Variants in BMAL2 observed in about 807,000 individuals in gnomAD.
BMAL2 encodes basic helix-loop-helix ARNT-like protein 2.
At chr12:27,408,119 A>C in the BMAL2 span, among the ~76,000 whole-genome samples, 1 of 152,164 alleles carries the variant, frequency 6.6e-6, no homozygotes, top group African/African-American at 2.4e-5. Context: ...CCAACCAAAA[A>C]AAGTCCAGGA....
chr12:27,339,126 A>C, the BMAL2 span, among the ~76,000 whole-genome samples: 2 of 152,320 alleles, frequency 1.3e-5, 1 homozygote, highest in South Asian at 4.1e-4. Flanking sequence ...TCCACCTTCC[A>C]ATAGGCCTCA....
chr12:27,399,263 A>G, the BMAL2 span, among the ~76,000 whole-genome samples: 1 of 152,166 alleles, frequency 6.6e-6, no homozygotes, highest in Non-Finnish European at 1.5e-5. Flanking sequence ...CTCACTGGTC[A>G]TTCCCTCTGG....
chr12:27,413,854 T>C, the BMAL2 span, among the ~76,000 whole-genome samples: 12 of 152,308 alleles, frequency 7.9e-5, no homozygotes, highest in Non-Finnish European at 1.2e-4. Context: ...ACCATACTTA[T>C]GTTAGACAGA....
chr12:27,403,335 C>A, the BMAL2 span: 1 of 782,958 alleles, frequency 1.3e-6, no homozygotes, highest in Non-Finnish European at 2.1e-6. Flanking sequence ...TTTTTGGATG[C>A]AGCTAGTCTG....
the BMAL2 span, among the ~76,000 whole-genome samples, chr12:27,390,985 C>G: frequency 6.6e-6 from 1 of 152,142 alleles, no homozygotes; most frequent in Non-Finnish European, 1.5e-5. Flanking sequence ...ACGGTAATTG[C>G]TAATACTCAT....
At chr12:27,378,994 A>G in the BMAL2 span, among the ~76,000 whole-genome samples, 1 of 152,170 alleles carries the variant, frequency 6.6e-6, no homozygotes, top group South Asian at 2.1e-4. Flanking sequence ...GTCTTGGGCC[A>G]CACATAAAAT....
chr12:27,362,989 G>A, the BMAL2 span, among the ~76,000 whole-genome samples: 1 of 152,036 alleles, frequency 6.6e-6, no homozygotes, highest in Non-Finnish European at 1.5e-5. Flanking sequence ...TTTTTTTGTA[G>A]AGACAGCATC....
the BMAL2 span, among the ~76,000 whole-genome samples, chr12:27,405,711 G>A: frequency 3.3e-5 from 5 of 152,304 alleles, no homozygotes; most frequent in East Asian, 3.9e-4. Context: ...TCAAAGGAAC[G>A]CAGCTCCTTA....
chr12:27,333,459 T>C, the BMAL2 span, among the ~76,000 whole-genome samples: 1 of 152,238 alleles, frequency 6.6e-6, no homozygotes, highest in Non-Finnish European at 1.5e-5. Context: ...CACCCACTGC[T>C]GGGCGCCCGC....
At chr12:27,369,287 T>A in the BMAL2 span, among the ~76,000 whole-genome samples, 6 of 144,492 alleles carry the variant, frequency 4.2e-5, no homozygotes, top group African/African-American at 1.6e-4. Flanking sequence ...GCTCTTTTTT[T>A]TTCTTTTTTG....
At chr12:27,401,657 T>G in the BMAL2 span, 1 of 1,592,522 alleles carries the variant, frequency 6.3e-7, no homozygotes, top group Non-Finnish European at 8.5e-7. Context: ...ATATTGTATC[T>G]GTCAACACTT....
chr12:27,340,695 G>A, the BMAL2 span, among the ~76,000 whole-genome samples: 1 of 152,118 alleles, frequency 6.6e-6, no homozygotes, highest in Non-Finnish European at 1.5e-5. Flanking sequence ...ACTGCTTTGG[G>A]TAGTAGATAG....
the BMAL2 span, among the ~76,000 whole-genome samples, chr12:27,388,861 CAAA>C: frequency 2.0e-4 from 31 of 151,612 alleles, no homozygotes; most frequent in African/African-American, 7.0e-4. Context: ...TTAACAAGGA[CAAA>C]AAAAGTTCAA....
At chr12:27,399,660 AC>A in the BMAL2 span, among the ~76,000 whole-genome samples, 3 of 152,230 alleles carry the variant, frequency 2.0e-5, no homozygotes, top group Non-Finnish European at 4.4e-5. Context: ...TTGTAATGGA[AC>A]TTTTACCAAA....
the BMAL2 span, chr12:27,417,998 A>C: frequency 1.2e-6 from 1 of 829,710 alleles, no homozygotes; most frequent in Non-Finnish European, 1.8e-6. Context: ...ATCTCAAAAA[A>C]ATAAAAAATA....
At chr12:27,378,372 T>C in the BMAL2 span, among the ~76,000 whole-genome samples, 1 of 152,194 alleles carries the variant, frequency 6.6e-6, no homozygotes, top group Non-Finnish European at 1.5e-5. Context: ...AATCATGTAG[T>C]AGTCAGAGAA....
the BMAL2 span, among the ~76,000 whole-genome samples, chr12:27,409,545 T>C: frequency 6.6e-6 from 1 of 152,176 alleles, no homozygotes. Context: ...TAGCCATATG[T>C]AGAAAGCTGA....
the BMAL2 span, among the ~76,000 whole-genome samples, chr12:27,357,301 C>T: frequency 2.0e-5 from 3 of 151,978 alleles, no homozygotes; most frequent in African/African-American, 7.3e-5. Context: ...TAGGAATATA[C>T]CTAACCAAGG....
At chr12:27,336,666 C>G in the BMAL2 span, among the ~76,000 whole-genome samples, 2 of 152,128 alleles carry the variant, frequency 1.3e-5, no homozygotes, top group East Asian at 3.9e-4. Context: ...TATTTTTAAA[C>G]CTGGCTGGGC....
Sources: gnomAD v4.1 joint callset for allele counts (sites outside exome capture counted in the v4.1 genomes callset) on GRCh38, gnomAD v4.1.1 for gene constraint, MANE v1.5 for transcripts, NCBI Gene and HGNC (gene_info 2026-07-23, HGNC 2026-07-21) for gene names.